RPS6KA1: variants seen among roughly 807,000 people sequenced by gnomAD.
RPS6KA1 encodes the protein ribosomal protein S6 kinase alpha-1.
RPS6KA1 carries 48 observed loss-of-function variants against 91.3 expected under a neutral mutation model. The ratio of observed to expected loss-of-function variants is 0.53; its 90% CI spans 0.42 to 0.67. The LOEUF is 0.67. Ranked by LOEUF, RPS6KA1 falls within the 30% of genes least tolerant of loss-of-function variation. The probability of loss-of-function intolerance (pLI) is 0.00; values close to 1 mark genes in which losing one functional copy is unlikely to be tolerated. For missense variants in RPS6KA1, 719 were observed against 960.5 expected (o/e 0.75, Z 3.32); for synonymous variants, 359 against 384.7 (o/e 0.93, Z 0.78).
chr1:26,561,614 T>C lies in RPS6KA1; in HGVS notation c.1541T>C (p.Phe514Ser). The C allele has an allele frequency of 6.2e-7, 1 of 1,613,778 alleles. No individual in the cohort carries two copies. The highest frequency in any genetic ancestry group is 8.5e-7 in the Non-Finnish European group (1 of 1,179,794). Reference sequence around the variant, plus strand: ...TTCTTCTCAGAGCGGGAGGCCAGCTTTGTCCTGCACACCATTGGCAAAACT... The same window carrying C: ...TTCTTCTCAGAGCGGGAGGCCAGCTCTGTCCTGCACACCATTGGCAAAACT... ...QKFFSEREAS[F>S]VLHTIGKTVE... The change falls in exon 17 of 22, where the codon TTT (phenylalanine) becomes TCT (serine). Residue 514 changes from phenylalanine (F) to serine (S), a missense_variant. Around this residue, in one of 5 missense-constraint regions of RPS6KA1, gnomAD observed 249 missense variants for 323.1 expected, o/e 0.77. Coordinates refer to ENST00000374168, the MANE Select transcript of RPS6KA1 (RefSeq NM_002953.4). This position sits in a 1 kb window ranked among gnomAD's most constrained non-coding sequence, Gnocchi z 5.7.
At chr1:26,569,206 T>C (rs1194182148) in intron 17 of RPS6KA1, among the ~76,000 whole-genome samples, 1 of 151,920 alleles carries the variant, frequency 6.6e-6, no homozygotes, top group Non-Finnish European at 1.5e-5. Flanking sequence ...CTCAGAGCTT[T>C]GGTTTTCTCC....
rs2076048294 is a variant in RPS6KA1, at chr1:26,551,396, G to C, written c.308-1G>C. The C allele has an allele frequency of 6.2e-7, 1 of 1,614,006 alleles. No individual in the cohort carries two copies. Among genetic ancestry groups the C allele is most frequent in the Admixed American group, 1.7e-5 (1 of 60,008 alleles). Reference sequence around the variant, plus strand: ...GGTGACTTCCTTTCTCGTCTGGCCAGTACGTGACCGCGTCCGGACCAAGAT... The same window carrying C: ...GGTGACTTCCTTTCTCGTCTGGCCACTACGTGACCGCGTCCGGACCAAGAT... On this transcript the variant is annotated splice_acceptor_variant, in intron 4 of 21. Transcript: ENST00000374168. LOFTEE classifies it high-confidence loss of function. The surrounding 1 kb of genome is among the most constrained non-coding windows in gnomAD (Gnocchi z 4.5).
Position 26,572,293 on chromosome 1 carries a change from G to C in RPS6KA1, c.1947G>C (p.Lys649Asn). 1.2e-6 allele frequency: 2 copies of C among 1,608,374 alleles called. No individual in the cohort carries two copies. The highest frequency in any genetic ancestry group is 1.7e-6 in the Non-Finnish European group (2 of 1,174,798). Residue 649 changes from lysine to asparagine, a missense_variant and splice_region_variant, in exon 20 of 22, where the codon AAG (lysine) becomes AAC (asparagine). Lys to Asn is a moderately conservative substitution (Grantham distance 94, BLOSUM62 0). Coordinates refer to ENST00000374168, the MANE Select transcript of RPS6KA1 (RefSeq NM_002953.4). ...GNWNTVSETAKDLVSKMLHVD... is the reference protein window; with the variant it reads ...GNWNTVSETANDLVSKMLHVD... Reference sequence around the variant, plus strand: ...GGAACACAGTTTCAGAGACAGCCAAGGTGAGTCTGTACGGCCTGCGTGGGC... The same window carrying C: ...GGAACACAGTTTCAGAGACAGCCAACGTGAGTCTGTACGGCCTGCGTGGGC...
chr1:26,569,971 T>C (rs1016699241), intron 17 of RPS6KA1, among the ~76,000 whole-genome samples: 1 of 152,082 alleles, frequency 6.6e-6, no homozygotes, highest in African/African-American at 2.4e-5. Context: ...TTTTTGACAA[T>C]GCCCAGGGAG....
At position 26,574,015 on chromosome 1, in the gene RPS6KA1, G is replaced by A; in HGVS notation, c.2086-64G>A. On this transcript the variant is annotated intron_variant, in intron 21 of 21. Coordinates refer to ENST00000374168, the MANE Select transcript of RPS6KA1 (RefSeq NM_002953.4). The surrounding 1 kb of genome is among the most constrained non-coding windows in gnomAD (Gnocchi z 4.3). ...TGAGAGGGGCTGGCCTACCCTTGGG[G>A]CATGGATCCCCTCCCCGCTACATCT... 1 of 1,571,800 alleles carries A rather than the reference G, an allele frequency of 6.4e-7. No homozygotes were observed. The highest frequency in any genetic ancestry group is 1.1e-5 in the South Asian group (1 of 87,456).
chr1:26,537,007 G>T, intron 2 of RPS6KA1, 38 bp downstream of exon 2: 1 of 1,611,046 alleles, frequency 6.2e-7, no homozygotes, highest in Non-Finnish European at 8.5e-7. Context: ...GAGGGGCTGT[G>T]GGGGATCCTG....
Position 26,555,033 on chromosome 1 carries a change from C to A in RPS6KA1, c.757-118C>A, listed in dbSNP as rs1473228006. ...GGACGGGCATAATTCTTGCTCCAGG[C>A]TGACTTGGATGTATCAGCAAGAATC... is the stretch of plus-strand genomic sequence containing the variant. On this transcript the variant is annotated intron_variant, in intron 9 of 21. Transcript: ENST00000374168. The surrounding 1 kb of genome is among the most constrained non-coding windows in gnomAD (Gnocchi z 4.3). 9.5e-7 allele frequency: 1 copy of A among 1,055,210 alleles called. No homozygotes were observed. Among genetic ancestry groups the A allele is most frequent in the Non-Finnish European group, 1.4e-6 (1 of 706,432 alleles). The allele number at this position is 1,055,210 out of a possible 1,614,324, so 65.4% of individuals were successfully genotyped here.
intron 13 of RPS6KA1, 138 bp downstream of exon 13, chr1:26,557,238 G>A: frequency 1.5e-6 from 1 of 654,658 alleles, no homozygotes; most frequent in Non-Finnish European, 2.7e-6. Context: ...TGAGTTTCTG[G>A]CTCCGTGGGA....
chr1:26,552,707 G>C (rs944064816), intron 6 of RPS6KA1: 1 of 215,288 alleles, frequency 4.6e-6, no homozygotes, highest in African/African-American at 2.4e-5. Flanking sequence ...GGCTGGTCTC[G>C]AACTCCTGAC....
At chr1:26,565,151 C>T (rs576143853) in intron 17 of RPS6KA1, among the ~76,000 whole-genome samples, 13 of 152,130 alleles carry the variant, frequency 8.5e-5, no homozygotes, top group African/African-American at 2.9e-4. Context: ...TTGCTAATAC[C>T]GGGGCAGATG....
chr1:26,561,453 G>A lies in RPS6KA1; in HGVS notation c.1432-52G>A, dbSNP rs1570453167. On this transcript the variant is annotated intron_variant, in intron 16 of 21. Coordinates refer to ENST00000374168, the MANE Select transcript of RPS6KA1 (RefSeq NM_002953.4). This position sits in a 1 kb window ranked among gnomAD's most constrained non-coding sequence, Gnocchi z 5.7. ...CTGCTCTGGGGCGCTGCTGACCAGG[G>A]GGCTCAGGCCTGACACTGGGGAGAA... is the stretch of plus-strand genomic sequence containing the variant. 1.2e-6 allele frequency: 2 copies of A among 1,612,170 alleles called. No homozygotes were observed. The highest frequency in any genetic ancestry group is 2.2e-5 in the East Asian group (1 of 44,860).
At chr1:26,565,379 C>T (rs544062069) in intron 17 of RPS6KA1, among the ~76,000 whole-genome samples, 16 of 152,000 alleles carry the variant, frequency 1.1e-4, no homozygotes, top group African/African-American at 3.6e-4. Context: ...GTACAAATCA[C>T]AACGGACAAG....
rs764451797 is a variant in RPS6KA1, at chr1:26,571,958, C to T, written c.1829+33C>T. On this transcript the variant is annotated intron_variant, in intron 19 of 21. Transcript: ENST00000374168. The surrounding 1 kb of genome is among the most constrained non-coding windows in gnomAD (Gnocchi z 5.1). ...CCCCTGGCCTGGACCCTTCCCCACT[C>T]CTGCAGCCCTAGCACTTGGGCTGAG... 1 of 1,592,702 alleles carries T rather than the reference C, an allele frequency of 6.3e-7. No homozygotes were observed. The highest frequency in any genetic ancestry group is 8.6e-7 in the Non-Finnish European group (1 of 1,164,798).
chr1:26,569,787 G>A (rs564956697), intron 17 of RPS6KA1, among the ~76,000 whole-genome samples: 3 of 152,170 alleles, frequency 2.0e-5, no homozygotes, highest in African/African-American at 7.2e-5. Flanking sequence ...GAAGGTGAAC[G>A]GGCATTCCAC....
intron 2 of RPS6KA1, among the ~76,000 whole-genome samples, chr1:26,542,865 C>T (rs1348034986): frequency 6.6e-6 from 1 of 152,182 alleles, no homozygotes; most frequent in African/African-American, 2.4e-5. Context: ...CTGATATGCC[C>T]ACTGTGACAC....
intron 2 of RPS6KA1, among the ~76,000 whole-genome samples, chr1:26,542,809 C>T (rs951937534): frequency 2.9e-5 from 4 of 138,490 alleles, no homozygotes; most frequent in Admixed American, 1.4e-4. Context: ...CTGACTTTTG[C>T]CCCACATTCT....
intron 2 of RPS6KA1, chr1:26,544,159 G>A (rs1374574404): frequency 8.8e-6 from 4 of 456,202 alleles, no homozygotes; most frequent in African/African-American, 8.0e-5. Context: ...TCTGCCAGGT[G>A]TCAGACCTAT....
At chr1:26,533,624 G>A (rs764217098) in intron 1 of RPS6KA1, among the ~76,000 whole-genome samples, 1 of 152,178 alleles carries the variant, frequency 6.6e-6, no homozygotes, top group African/African-American at 2.4e-5. Flanking sequence ...AGAATTGCTT[G>A]AACCCAGCGG....
At chr1:26,560,610 C>A in intron 14 of RPS6KA1, 116 bp from the exon 15 acceptor site, 1 of 1,342,938 alleles carries the variant, frequency 7.4e-7, no homozygotes, top group Non-Finnish European at 1.0e-6. Flanking sequence ...CACTCTACCC[C>A]AAGTCTCCTG....
Sources: allele counts gnomAD v4.1 joint callset (sites outside exome capture counted in the v4.1 genomes callset), GRCh38; gene constraint gnomAD v4.1.1; regional missense constraint gnomAD v4.1.1; non-coding constraint Gnocchi (gnomAD v3.1); transcripts MANE v1.5; gene names NCBI Gene and HGNC (gene_info 2026-07-23, HGNC 2026-07-21).